Variants in CCDC102B observed in about 807,000 individuals in gnomAD.
CCDC102B encodes coiled-coil domain-containing protein 102B.
In CCDC102B, 75 loss-of-function variants were observed where a neutral mutation model predicts 57.4. The ratio of observed to expected loss-of-function variants is 1.31; its 90% CI spans 1.08 to 1.58. The LOEUF is 1.58. Ranked by LOEUF, CCDC102B falls within the 40% of genes most tolerant of loss-of-function variation. CCDC102B has a pLI of 0.00. For synonymous variants in CCDC102B, 206 were observed against 201.9 expected, an observed-to-expected ratio of 1.02 and a Z score of -0.17; for missense variants, 636 against 582.6, an observed-to-expected ratio of 1.09 and a Z score of -0.94.
intron 2 of CCDC102B, 106 bp from the exon 3 acceptor site, chr18:68,838,600 A>T: frequency 6.8e-7 from 1 of 1,462,860 alleles, no homozygotes; most frequent in African/African-American, 1.4e-5. Context: ...AAATAAAAAT[A>T]TGAATTGGTT....
At chr18:68,782,977 C>T (rs2035057281) in intron 2 of CCDC102B, among the ~76,000 whole-genome samples, 1 of 152,096 alleles carries the variant, frequency 6.6e-6, no homozygotes, top group Admixed American at 6.5e-5. Flanking sequence ...ATTATACCTG[C>T]CATTTACATT....
chr18:68,870,680 G>T (rs1370133739), intron 4 of CCDC102B, among the ~76,000 whole-genome samples: 1 of 152,138 alleles, frequency 6.6e-6, no homozygotes, highest in Non-Finnish European at 1.5e-5. Context: ...GAAGTTGAAA[G>T]ATCATTTGTT....
At chr18:69,047,065 C>T (rs78562019) in intron 7 of CCDC102B, among the ~76,000 whole-genome samples, 5,058 of 152,078 alleles carry the variant, frequency 0.033, 141 homozygotes, top group East Asian at 0.15. Context: ...CTTAGAATTG[C>T]CTTGGCTATT....
At chr18:68,728,339 G>A (rs904104916) in intron 2 of CCDC102B, among the ~76,000 whole-genome samples, 1 of 152,188 alleles carries the variant, frequency 6.6e-6, no homozygotes, top group Non-Finnish European at 1.5e-5. Context: ...TATTTGAATA[G>A]AATATACAAG....
At chr18:69,005,009 T>C (rs1239807304) in intron 6 of CCDC102B, among the ~76,000 whole-genome samples, 1 of 152,218 alleles carries the variant, frequency 6.6e-6, no homozygotes, top group Non-Finnish European at 1.5e-5. Flanking sequence ...TTTATTCTTG[T>C]TGAAGATACA....
At chr18:69,052,144 GA>G (rs1307174167) in intron 7 of CCDC102B, among the ~76,000 whole-genome samples, 3 of 151,384 alleles carry the variant, frequency 2.0e-5, no homozygotes, top group Non-Finnish European at 4.4e-5. Flanking sequence ...AATATATACA[GA>G]AAAAAAGAAA....
At chr18:68,891,950 A>G (rs1346348804) in intron 5 of CCDC102B, among the ~76,000 whole-genome samples, 1 of 152,224 alleles carries the variant, frequency 6.6e-6, no homozygotes, top group Non-Finnish European at 1.5e-5. Flanking sequence ...GATAGCAAGA[A>G]TAAGAGGTAA....
intron 7 of CCDC102B, among the ~76,000 whole-genome samples, chr18:69,022,847 C>T (rs183902438): frequency 6.6e-6 from 1 of 151,892 alleles, no homozygotes; most frequent in South Asian, 2.1e-4. Flanking sequence ...GGGAAATTTT[C>T]ACCCAGATTC....
At chr18:69,020,627 A>G (rs2051805326) in intron 7 of CCDC102B, among the ~76,000 whole-genome samples, 1 of 152,064 alleles carries the variant, frequency 6.6e-6, no homozygotes, top group Non-Finnish European at 1.5e-5. Context: ...TGCTATTTCC[A>G]TGGCAAAAAC....
In CCDC102B at chr18:68,838,883, G is replaced by A; in HGVS notation, c.784G>A (p.Val262Met). 3 of 1,613,928 alleles carry A rather than the reference G, an allele frequency of 1.9e-6. No homozygotes were observed. Among genetic ancestry groups the A allele is most frequent in the Non-Finnish European group, 2.5e-6 (3 of 1,179,954 alleles). ...AGTAACTGAAATTTCAGCTTTGCAG[G>A]TGCATTTGGATGAATTCCAAAAAAT... ...NEVTEISALQ[V>M]HLDEFQKILW... The change falls in exon 3 of 8, where the codon GTG becomes ATG. Residue 262 changes from valine (V) to methionine (M), a missense_variant. Val to Met is a conservative substitution (Grantham distance 21, BLOSUM62 1). Transcript: ENST00000360242.
intron 2 of CCDC102B, among the ~76,000 whole-genome samples, chr18:68,769,769 G>A (rs187138625): frequency 1.3e-5 from 2 of 152,206 alleles, no homozygotes; most frequent in South Asian, 2.1e-4. Flanking sequence ...TACACAGACC[G>A]ATGCTAAAAT....
At chr18:68,918,844 G>T (rs1276913830) in intron 6 of CCDC102B, among the ~76,000 whole-genome samples, 1 of 152,070 alleles carries the variant, frequency 6.6e-6, no homozygotes, top group Non-Finnish European at 1.5e-5. Flanking sequence ...AAGAAAAATA[G>T]TTTATTAAAT....
chr18:68,901,342 T>C (rs2040444961), intron 6 of CCDC102B, among the ~76,000 whole-genome samples: 1 of 152,094 alleles, frequency 6.6e-6, no homozygotes, highest in African/African-American at 2.4e-5. Context: ...TTTTGAAAAA[T>C]TATAAGCCTT....
chr18:68,911,713 C>T (rs1192178936), intron 6 of CCDC102B, among the ~76,000 whole-genome samples: 49 of 119,854 alleles, frequency 4.1e-4, no homozygotes, highest in Admixed American at 1.7e-3. Flanking sequence ...GATCGCGCCA[C>T]TGCACTCCAG....
At chr18:69,020,311 G>A (rs1329754943) in intron 7 of CCDC102B, among the ~76,000 whole-genome samples, 1 of 151,994 alleles carries the variant, frequency 6.6e-6, no homozygotes, top group African/African-American at 2.4e-5. Context: ...CTTTAAGATG[G>A]CATTCATGCT....
At chr18:69,046,863 C>T (rs755369471) in intron 7 of CCDC102B, among the ~76,000 whole-genome samples, 30 of 152,062 alleles carry the variant, frequency 2.0e-4, no homozygotes, top group African/African-American at 3.1e-4. Flanking sequence ...GTCCTTTTCC[C>T]GTTGCTCATT....
At chr18:68,785,190 G>A (rs1244419582) in intron 2 of CCDC102B, among the ~76,000 whole-genome samples, 1 of 151,872 alleles carries the variant, frequency 6.6e-6, no homozygotes, top group Non-Finnish European at 1.5e-5. Context: ...GTATTCCATG[G>A]TGTATATGTG....
At chr18:68,762,162 A>G (rs2034274527) in intron 2 of CCDC102B, among the ~76,000 whole-genome samples, 1 of 152,132 alleles carries the variant, frequency 6.6e-6, no homozygotes. Flanking sequence ...TAAGCAATCC[A>G]TAAATTTTAA....
intron 2 of CCDC102B, among the ~76,000 whole-genome samples, chr18:68,720,443 G>C (rs949882128): frequency 1.3e-5 from 2 of 152,174 alleles, no homozygotes; most frequent in African/African-American, 4.8e-5. Flanking sequence ...ATACATATAT[G>C]ACTAGGAAAA....
Sources: gnomAD v4.1 joint callset for allele counts (sites outside exome capture counted in the v4.1 genomes callset) on GRCh38, gnomAD v4.1.1 for gene constraint, MANE v1.5 for transcripts, NCBI Gene and HGNC (gene_info 2026-07-23, HGNC 2026-07-21) for gene names.